Variants in SUGCT observed in about 807,000 individuals in gnomAD.
SUGCT encodes the protein succinyl-CoA:glutarate-CoA transferase, also known as succinyl-CoA:glutarate CoA-transferase.
Under a neutral mutation model 55.0 loss-of-function variants are expected in SUGCT, and 41 were observed. That is an observed-to-expected ratio of 0.74 (90% CI 0.58 to 0.97). The LOEUF is 0.97. Ranked by LOEUF, SUGCT falls within the 50% of genes least tolerant of loss-of-function variation. SUGCT has a pLI of 0.00. For synonymous variants in SUGCT, 187 were observed against 200.4 expected (o/e 0.93, Z 0.56); for missense variants, 568 against 547.8 (o/e 1.04, Z -0.37).
At chr7:41,030,600 C>T in the SUGCT span, among the ~76,000 whole-genome samples, 3 of 152,140 alleles carry the variant, frequency 2.0e-5, no homozygotes, top group African/African-American at 7.2e-5. Flanking sequence ...TCCAAGTTAT[C>T]TGCTGCTTGA....
chr7:40,868,781 C>T, the SUGCT span, among the ~76,000 whole-genome samples: 1 of 152,170 alleles, frequency 6.6e-6, no homozygotes, highest in African/African-American at 2.4e-5. Flanking sequence ...TTCCTGGCCT[C>T]AAGTGATTCT....
intron 13 of SUGCT, among the ~76,000 whole-genome samples, chr7:40,768,001 C>T (rs1026237224): frequency 7.2e-5 from 11 of 152,176 alleles, no homozygotes; most frequent in Admixed American, 7.2e-4. Context: ...CATTTGAGCA[C>T]CATGACTGCG....
intron 12 of SUGCT, among the ~76,000 whole-genome samples, chr7:40,520,735 C>T (rs1793484932): frequency 6.6e-6 from 1 of 151,872 alleles, no homozygotes; most frequent in Non-Finnish European, 1.5e-5. Context: ...CACAAGTGAC[C>T]CAGGTAAAAT....
At chr7:40,720,324 GAT>G (rs1786259571) in intron 12 of SUGCT, among the ~76,000 whole-genome samples, 1 of 152,172 alleles carries the variant, frequency 6.6e-6, no homozygotes, top group South Asian at 2.1e-4. Flanking sequence ...GGTTCACAAA[GAT>G]ATGGCATAAA....
chr7:40,483,022 A>G (rs1791141041), intron 11 of SUGCT, among the ~76,000 whole-genome samples: 2 of 152,230 alleles, frequency 1.3e-5, no homozygotes, highest in African/African-American at 2.4e-5. Context: ...ATAATTTATC[A>G]GTAATATGTA....
At chr7:40,815,202 G>A (rs1791606463) in intron 13 of SUGCT, among the ~76,000 whole-genome samples, 2 of 152,230 alleles carry the variant, frequency 1.3e-5, no homozygotes, top group Non-Finnish European at 2.9e-5. Flanking sequence ...GATGGGCAGG[G>A]CTAGACCAGG....
intron 13 of SUGCT, among the ~76,000 whole-genome samples, chr7:40,846,138 A>C (rs1201677798): frequency 6.6e-6 from 1 of 152,212 alleles, no homozygotes; most frequent in South Asian, 2.1e-4. Context: ...TATGGAGCTT[A>C]AAATATTCTG....
chr7:40,625,407 G>T (rs1799480327), intron 12 of SUGCT, among the ~76,000 whole-genome samples: 2 of 152,226 alleles, frequency 1.3e-5, no homozygotes, highest in South Asian at 4.2e-4. Context: ...AAGCCACTCT[G>T]CCACTGGAAG....
chr7:41,027,516 A>G, the SUGCT span, among the ~76,000 whole-genome samples: 2 of 152,204 alleles, frequency 1.3e-5, no homozygotes, highest in Non-Finnish European at 2.9e-5. Context: ...CTGGATATGC[A>G]TAATGTTCTG....
chr7:40,161,952 A>G (rs1330934981), intron 1 of SUGCT, among the ~76,000 whole-genome samples: 2 of 151,972 alleles, frequency 1.3e-5, no homozygotes, highest in Non-Finnish European at 2.9e-5. Flanking sequence ...GCTGGAGTGC[A>G]GTGGTGCGAT....
At chr7:40,787,988 G>T (rs991466281) in intron 13 of SUGCT, among the ~76,000 whole-genome samples, 10 of 152,114 alleles carry the variant, frequency 6.6e-5, no homozygotes, top group Non-Finnish European at 1.2e-4. Flanking sequence ...TAGAGACCAG[G>T]GGGGAAAGCC....
At chr7:40,787,845 C>T (rs1441886506) in intron 13 of SUGCT, among the ~76,000 whole-genome samples, 5 of 152,076 alleles carry the variant, frequency 3.3e-5, no homozygotes, top group African/African-American at 1.2e-4. Context: ...AAGTGAGAAG[C>T]CTAGACTTAC....
chr7:40,769,702 A>G (rs1788991664), intron 13 of SUGCT, among the ~76,000 whole-genome samples: 1 of 152,234 alleles, frequency 6.6e-6, no homozygotes, highest in Non-Finnish European at 1.5e-5. Flanking sequence ...AACGCATTTC[A>G]AACTTCTGAC....
chr7:40,514,396 G>A (rs977794764), intron 12 of SUGCT, among the ~76,000 whole-genome samples: 1 of 151,956 alleles, frequency 6.6e-6, no homozygotes, highest in Non-Finnish European at 1.5e-5. Flanking sequence ...AAAAATATGA[G>A]ATTTATTAAC....
intron 12 of SUGCT, among the ~76,000 whole-genome samples, chr7:40,562,918 G>T (rs1795920375): frequency 6.6e-6 from 1 of 152,202 alleles, no homozygotes; most frequent in Non-Finnish European, 1.5e-5. Context: ...CAGTGAAACA[G>T]ATCGGAAGTA....
At chr7:40,946,844 G>A in the SUGCT span, among the ~76,000 whole-genome samples, 1 of 152,130 alleles carries the variant, frequency 6.6e-6, no homozygotes, top group African/African-American at 2.4e-5. Context: ...TGTATGTGAT[G>A]ATATTTGTAT....
intron 13 of SUGCT, among the ~76,000 whole-genome samples, chr7:40,762,917 A>G (rs1788606218): frequency 6.6e-6 from 1 of 151,542 alleles, no homozygotes; most frequent in Admixed American, 6.6e-5. Context: ...GGTTCAAGTT[A>G]TTCTCCTGCC....
At chr7:40,401,277 A>G (rs1484643327) in intron 9 of SUGCT, among the ~76,000 whole-genome samples, 2 of 152,174 alleles carry the variant, frequency 1.3e-5, no homozygotes. Flanking sequence ...ATTATATGAC[A>G]ATATAAGTTA....
chr7:40,177,511 T>A (rs1784986510), intron 1 of SUGCT, among the ~76,000 whole-genome samples: 1 of 152,172 alleles, frequency 6.6e-6, no homozygotes, highest in Non-Finnish European at 1.5e-5. Context: ...GTTTAAAAAA[T>A]TTTTTGAAAT....
Sources: allele counts gnomAD v4.1 joint callset (sites outside exome capture counted in the v4.1 genomes callset), GRCh38; gene constraint gnomAD v4.1.1; transcripts MANE v1.5; gene names NCBI Gene and HGNC (gene_info 2026-07-23, HGNC 2026-07-21).